The following DAG1 variants were observed in gnomAD, a reference collection of about 807,000 sequenced individuals.
DAG1 encodes the protein dystroglycan 1.
DAG1 carries 8 observed loss-of-function variants against 46.1 expected under a neutral mutation model. That is an observed-to-expected ratio of 0.17 (90% CI 0.10 to 0.31). DAG1 has a LOEUF of 0.31. Ranked by LOEUF, DAG1 falls within the 10% of genes least tolerant of loss-of-function variation. The pLI is 1.00. For missense variants in DAG1, 1,003 were observed against 1,189.9 expected (o/e 0.84, Z 2.31); for synonymous variants, 495 against 481.8 (o/e 1.03, Z -0.36).
intron 1 of DAG1, among the ~76,000 whole-genome samples, chr3:49,477,257 A>C (rs1312385573): frequency 4.6e-5 from 7 of 151,974 alleles, no homozygotes; most frequent in Non-Finnish European, 1.0e-4. Flanking sequence ...TCGGCCTCCC[A>C]AAGTGCTGGG....
rs1191123199 is a variant in DAG1 at position 49,531,002 on chromosome 3, T to C, written c.491T>C (p.Leu164Pro). Residue 164 changes from leucine (L) to proline (P), a missense_variant, in exon 3 of 3, where the codon CTG becomes CCG. Leu to Pro is a moderately conservative substitution (Grantham distance 98). Around this residue, in one of 3 missense-constraint regions of DAG1, gnomAD observed 196 missense variants for 239.1 expected, o/e 0.82. Coordinates refer to ENST00000308775, the MANE Select transcript of DAG1 (RefSeq NM_004393.6). This position sits in a 1 kb window ranked among gnomAD's most constrained non-coding sequence, Gnocchi z 7.0. Reference protein sequence around the residue: ...IEVYPEDHSELQSVRTASPDP... With the variant: ...IEVYPEDHSEPQSVRTASPDP... ...GTCTACCCTGAAGACCACAGTGAGC[T>C]GCAGTCGGTGAGGACAGCCTCCCCA... 3.7e-6 allele frequency: 6 copies of C among 1,614,088 alleles called. No homozygotes were observed. In the Admixed American group the frequency reaches 8.3e-5, roughly 22 times the overall value.
rs1179325035 is a variant in DAG1 at position 49,510,584 on chromosome 3, C to T, written c.50C>T (p.Thr17Ile). The T allele has an allele frequency of 1.1e-5, 17 of 1,613,936 alleles. No individual in the cohort carries two copies. In the East Asian group the frequency reaches 1.1e-4, roughly 11 times the overall value. ...CTGCTGCTGCCCCTCTCGGGGAGGA[C>T]CTTTCTCCTCCTGCTCTCTGTGGTT... ...LSLLLPLSGRTFLLLLSVVMA... is the reference protein window; with the variant it reads ...LSLLLPLSGRIFLLLLSVVMA... The change falls in exon 2 of 3, where the codon ACC (threonine) becomes ATC (isoleucine). Residue 17 changes from threonine (T) to isoleucine (I), a missense_variant. Physicochemically the swap from Thr to Ile is moderately conservative, Grantham distance 89. Around this residue, in one of 3 missense-constraint regions of DAG1, gnomAD observed 196 missense variants for 239.1 expected, o/e 0.82. Coordinates refer to ENST00000308775, the MANE Select transcript of DAG1 (RefSeq NM_004393.6).
rs1281997226 is a variant in DAG1 at position 49,531,331 on chromosome 3, A to G, written c.820A>G (p.Ile274Val). Reference protein sequence around the residue: ...CSLNQNSVPDIHGVEAPAREG... With the variant: ...CSLNQNSVPDVHGVEAPAREG... ...CCTGAACCAGAACAGTGTGCCTGACATTCATGGTGTAGAGGCCCCTGCCAG... is the reference window on the plus strand; with the variant it reads ...CCTGAACCAGAACAGTGTGCCTGACGTTCATGGTGTAGAGGCCCCTGCCAG... Residue 274 changes from isoleucine (I) to valine (V), a missense_variant, in exon 3 of 3, where the codon ATT becomes GTT. Ile to Val is a conservative substitution (Grantham distance 29). This residue lies in a region of DAG1 where 755 missense variants were observed against 854.1 expected (regional missense o/e 0.88). Coordinates refer to ENST00000308775, the MANE Select transcript of DAG1 (RefSeq NM_004393.6). The surrounding 1 kb of genome is among the most constrained non-coding windows in gnomAD (Gnocchi z 7.0). The G allele has an allele frequency of 2.5e-6, 4 of 1,614,154 alleles. No individual in the cohort carries two copies. The South Asian group carries it at 4.4e-5, about 18-fold the overall frequency.
intron 2 of DAG1, among the ~76,000 whole-genome samples, chr3:49,522,474 C>G (rs1273228301): frequency 7.3e-6 from 1 of 136,326 alleles, no homozygotes; most frequent in Non-Finnish European, 1.6e-5. Context: ...CCCTCCCACC[C>G]CTTTTTTTTT....
chr3:49,530,977 G>T lies in DAG1; in HGVS notation c.466G>T (p.Val156Phe). The T allele has an allele frequency of 6.2e-7, 1 of 1,614,124 alleles. No individual in the cohort carries two copies. Among genetic ancestry groups the T allele is most frequent in the Non-Finnish European group, 8.5e-7 (1 of 1,180,018 alleles). ...PQTSSVFSIE[V>F]YPEDHSELQS... ...GACCTCCAGTGTGTTCTCCATCGAG[G>T]TCTACCCTGAAGACCACAGTGAGCT... The change falls in exon 3 of 3, where the codon GTC (valine) becomes TTC (phenylalanine). Residue 156 changes from valine to phenylalanine, a missense_variant. Transcript: ENST00000308775.
chr3:49,491,881 A>G (rs567778177), intron 1 of DAG1, among the ~76,000 whole-genome samples: 1 of 150,956 alleles, frequency 6.6e-6, no homozygotes, highest in African/African-American at 2.4e-5. Flanking sequence ...GGCCTCCCAG[A>G]GTACTGGGAT....
intron 2 of DAG1, chr3:49,511,042 A>G: frequency 1.0e-5 from 9 of 897,410 alleles, no homozygotes; most frequent in Non-Finnish European, 1.1e-5. Flanking sequence ...ATCACCATGT[A>G]ATAGCCTTTA....
rs2107949288 is a variant in DAG1 at position 49,532,587 on chromosome 3, C to T, written c.2076C>T (p.Phe692=). Residue 692 remains phenylalanine, a synonymous_variant, in exon 3 of 3, where the codon TTC becomes TTT. Coordinates refer to ENST00000308775, the MANE Select transcript of DAG1 (RefSeq NM_004393.6). This position sits in a 1 kb window ranked among gnomAD's most constrained non-coding sequence, Gnocchi z 5.4. ...ATGATGGAAAACCTCGGCCTGCCTT[C>T]TCCAACGCCCTAGAGCCTGACTTTA... ...AEDDGKPRPA[F]SNALEPDFKA... The T allele has an allele frequency of 6.2e-7, 1 of 1,612,400 alleles. No homozygotes were observed. Among genetic ancestry groups the T allele is most frequent in the Non-Finnish European group, 8.5e-7 (1 of 1,178,662 alleles).
At chr3:49,490,989 G>A (rs990860429) in intron 1 of DAG1, among the ~76,000 whole-genome samples, 3 of 148,966 alleles carry the variant, frequency 2.0e-5, no homozygotes, top group Admixed American at 1.4e-4. Context: ...AGGTTCAAGC[G>A]ATTTTCCTGC....
rs189360006 is a variant in DAG1 at position 49,510,754 on chromosome 3, G to T, written c.220G>T (p.Val74Phe). ...VVGIPDGTAV[V>F]GRSFRVTIPT... is the part of the protein sequence containing the mutation. ...TGGCATTCCTGATGGCACGGCTGTC[G>T]TCGGGCGCTCATTTCGAGTGACCAT... is the stretch of plus-strand genomic sequence containing the variant. The change falls in exon 2 of 3, where the codon GTC becomes TTC. Residue 74 changes from valine (V) to phenylalanine (F), a missense_variant. Val to Phe is a conservative substitution (Grantham distance 50). This residue lies in a region of DAG1 where 196 missense variants were observed against 239.1 expected (regional missense o/e 0.82). Coordinates refer to ENST00000308775, the MANE Select transcript of DAG1 (RefSeq NM_004393.6). 6.2e-7 allele frequency: 1 copy of T among 1,614,174 alleles called. No homozygotes were observed. Among genetic ancestry groups the T allele is most frequent in the South Asian group, 1.1e-5 (1 of 91,086 alleles).
chr3:49,494,730 G>A (rs1056159702), intron 1 of DAG1, among the ~76,000 whole-genome samples: 1 of 151,816 alleles, frequency 6.6e-6, no homozygotes, highest in Non-Finnish European at 1.5e-5. Flanking sequence ...CGCCTCACAG[G>A]TTCAAACGAT....
chr3:49,476,771 C>T (rs1264927891), intron 1 of DAG1: 1 of 152,096 alleles, frequency 6.6e-6, no homozygotes, highest in African/African-American at 2.4e-5. Context: ...TCCCCACTTC[C>T]TCTGGAGTTG....
chr3:49,512,026 T>G (rs553127766), intron 2 of DAG1, among the ~76,000 whole-genome samples: 5 of 152,276 alleles, frequency 3.3e-5, no homozygotes, highest in Admixed American at 1.3e-4. Context: ...AAGAAAGAAA[T>G]ATTCTTTTAC....
chr3:49,527,045 A>G (rs1192943959), intron 2 of DAG1, among the ~76,000 whole-genome samples: 2 of 152,182 alleles, frequency 1.3e-5, no homozygotes, highest in African/African-American at 4.8e-5. Flanking sequence ...ATAGGAAGTG[A>G]GCCAGGCTGG....
At chr3:49,507,860 A>T (rs2050649637) in intron 1 of DAG1, among the ~76,000 whole-genome samples, 1 of 152,012 alleles carries the variant, frequency 6.6e-6, no homozygotes, top group Non-Finnish European at 1.5e-5. Context: ...TTTTCTTAAT[A>T]GAAATTATAT....
chr3:49,502,002 A>G (rs1309689898), intron 1 of DAG1, among the ~76,000 whole-genome samples: 1 of 152,114 alleles, frequency 6.6e-6, no homozygotes, highest in African/African-American at 2.4e-5. Context: ...TATAGTCTGT[A>G]TCTCTTCAAC....
chr3:49,525,114 C>G (rs1023683757), intron 2 of DAG1, among the ~76,000 whole-genome samples: 1 of 152,168 alleles, frequency 6.6e-6, no homozygotes, highest in African/African-American at 2.4e-5. Flanking sequence ...GGCCTGATGT[C>G]ACCAGTACCA....
intron 2 of DAG1, among the ~76,000 whole-genome samples, chr3:49,527,386 C>T (rs1350178547): frequency 2.6e-5 from 4 of 152,160 alleles, no homozygotes; most frequent in Admixed American, 6.5e-5. Context: ...TAGCCGGGCA[C>T]GGTGGCGGGC....
chr3:49,472,801 C>T (rs1052954366), intron 1 of DAG1, among the ~76,000 whole-genome samples: 3 of 150,704 alleles, frequency 2.0e-5, no homozygotes, highest in Non-Finnish European at 4.4e-5. Flanking sequence ...ATCGAGACTC[C>T]GTCTCAAAAA....
Sources: allele counts gnomAD v4.1 joint callset (sites outside exome capture counted in the v4.1 genomes callset), GRCh38; gene constraint gnomAD v4.1.1; regional missense constraint gnomAD v4.1.1; non-coding constraint Gnocchi (gnomAD v3.1); transcripts MANE v1.5; gene names NCBI Gene and HGNC (gene_info 2026-07-23, HGNC 2026-07-21).